The following MBOAT2 variants were observed in gnomAD, a reference collection of about 807,000 sequenced individuals.
MBOAT2 encodes membrane bound glycerophospholipid O-acyltransferase 2.
In MBOAT2, 28 loss-of-function variants were observed where a neutral mutation model predicts 63.4. The ratio of observed to expected loss-of-function variants is 0.44; its 90% confidence interval spans 0.33 to 0.61. MBOAT2 has a LOEUF of 0.61. Among genes scored for constraint, MBOAT2 ranks in the 20% least tolerant of loss-of-function variants. The pLI, the probability that MBOAT2 is intolerant of heterozygous loss-of-function variation, is 0.03. For missense variants in MBOAT2, 470 were observed against 605.8 expected (o/e 0.78, Z 2.35); for synonymous variants, 211 against 215.6 (o/e 0.98, Z 0.19).
At chr2:8,888,151 T>C (rs2148550316) in intron 4 of MBOAT2, 78 bp from the exon 5 acceptor site, 3 of 1,332,780 alleles carry the variant, frequency 2.3e-6, no homozygotes, top group Non-Finnish European at 3.2e-6. Context: ...GTTAAGAGTT[T>C]ATTCTGCTTT....
intron 3 of MBOAT2, among the ~76,000 whole-genome samples, chr2:8,931,641 T>C (rs941785322): frequency 5.9e-5 from 9 of 152,224 alleles, no homozygotes; most frequent in Non-Finnish European, 1.2e-4. Context: ...TTTGATGTTT[T>C]TGTCATGAAA....
At chr2:8,875,804 T>C (rs1662658771) in intron 7 of MBOAT2, among the ~76,000 whole-genome samples, 1 of 152,236 alleles carries the variant, frequency 6.6e-6, no homozygotes, top group African/African-American at 2.4e-5. Context: ...AAGTCTGGAA[T>C]CCCACTCAGT....
intron 1 of MBOAT2, among the ~76,000 whole-genome samples, chr2:8,983,841 T>C (rs919162611): frequency 4.6e-5 from 7 of 152,300 alleles, no homozygotes; most frequent in Middle Eastern, 3.4e-3. Flanking sequence ...TAAATTGTAC[T>C]TGGAACTTTT....
Position 8,855,398 on chromosome 2 carries a change from G to T in MBOAT2, c.*3281C>A, listed in dbSNP as rs979874093. ...AAGATCCAGGTCTCCTCCTAGGTCA[G>T]CTAGTGCTTAAATGTGAGTTACTGT... On this transcript the variant is annotated 3_prime_UTR_variant, in exon 13 of 13. Coordinates refer to ENST00000305997, the MANE Select transcript of MBOAT2 (RefSeq NM_138799.4). 1 of 152,206 alleles carries T rather than the reference G, an allele frequency of 6.6e-6. No homozygotes were observed. Among genetic ancestry groups the T allele is most frequent in the Non-Finnish European group, 1.5e-5 (1 of 68,040 alleles). The allele number at this position is 152,206 out of a possible 1,614,324, so 9.4% of individuals were successfully genotyped here.
intron 3 of MBOAT2, among the ~76,000 whole-genome samples, chr2:8,915,935 C>T (rs868740619): frequency 2.0e-5 from 3 of 152,272 alleles, no homozygotes; most frequent in African/African-American, 7.2e-5. Context: ...GCTATGGTAT[C>T]CCCATCACTG....
intron 3 of MBOAT2, among the ~76,000 whole-genome samples, chr2:8,934,631 G>C (rs1371464819): frequency 1.3e-5 from 2 of 152,146 alleles, no homozygotes; most frequent in Non-Finnish European, 2.9e-5. Context: ...TCTTGGGTTA[G>C]CACAGCAATA....
intron 3 of MBOAT2, among the ~76,000 whole-genome samples, chr2:8,937,311 C>T (rs1211865256): frequency 9.9e-5 from 15 of 152,146 alleles, no homozygotes; most frequent in Admixed American, 7.9e-4. Context: ...TGCTGTGATG[C>T]GGAAGTCATG....
At position 8,855,598 on chromosome 2, in the gene MBOAT2, C is replaced by T. The variant is rs543257763; in HGVS notation, c.*3081G>A. The T allele has an allele frequency of 3.3e-5, 5 of 152,342 alleles. No individual in the cohort carries two copies. In the South Asian group the frequency reaches 1.0e-3, roughly 32 times the overall value. 9.4% of individuals were successfully genotyped at this position (152,342 alleles called of 1,614,324 possible). ...ATTTTTGAAGCCAAATAAATCTTCT[C>T]TATCCTGCCGGATATTTTAGAAGCT... is the stretch of plus-strand genomic sequence containing the variant. On this transcript the variant is annotated 3_prime_UTR_variant, in exon 13 of 13. Coordinates refer to ENST00000305997, the MANE Select transcript of MBOAT2 (RefSeq NM_138799.4).
chr2:8,890,649 A>G (rs1357398237), intron 4 of MBOAT2, among the ~76,000 whole-genome samples: 1 of 152,094 alleles, frequency 6.6e-6, no homozygotes, highest in Non-Finnish European at 1.5e-5. Context: ...CCTCCAAAGC[A>G]GCTAACCCTA....
chr2:8,992,762 G>A (rs1672005972), intron 1 of MBOAT2, among the ~76,000 whole-genome samples: 1 of 152,250 alleles, frequency 6.6e-6, no homozygotes, highest in Admixed American at 6.5e-5. Flanking sequence ...CTAGACAGAA[G>A]CAAGGCATGC....
At chr2:8,990,628 T>C (rs1483000520) in intron 1 of MBOAT2, among the ~76,000 whole-genome samples, 1 of 152,206 alleles carries the variant, frequency 6.6e-6, no homozygotes, top group Non-Finnish European at 1.5e-5. Flanking sequence ...CATTAATTTA[T>C]ATTTCTTACA....
chr2:8,891,404 G>A (rs1663989508), intron 4 of MBOAT2, among the ~76,000 whole-genome samples: 1 of 152,214 alleles, frequency 6.6e-6, no homozygotes, highest in Non-Finnish European at 1.5e-5. Context: ...TGGGAGACAA[G>A]AAAGACTGAT....
At chr2:8,936,805 AG>A (rs1457829384) in intron 3 of MBOAT2, among the ~76,000 whole-genome samples, 3 of 150,028 alleles carry the variant, frequency 2.0e-5, no homozygotes, top group Non-Finnish European at 3.0e-5. Context: ...AAAAAAAAAA[AG>A]AAAAGAAAAA....
At chr2:8,978,642 A>C (rs546586508) in intron 1 of MBOAT2, among the ~76,000 whole-genome samples, 15 of 152,138 alleles carry the variant, frequency 9.9e-5, no homozygotes, top group African/African-American at 3.6e-4. Context: ...GGAGGGGAAA[A>C]ACACACACTG....
chr2:8,861,793 G>GCA (rs375157791), intron 11 of MBOAT2, among the ~76,000 whole-genome samples: 62 of 151,900 alleles, frequency 4.1e-4, no homozygotes, highest in African/African-American at 1.5e-3. Flanking sequence ...TCTGTCTTAT[G>GCA]CACACACACA....
In MBOAT2 at chr2:8,858,487, C is replaced by T; in HGVS notation, c.*192G>A. On this transcript the variant is annotated 3_prime_UTR_variant, in exon 13 of 13. Transcript: ENST00000305997. ...GGAAATATTCTTACATAAGGCGTGG[C>T]CCACGGAGACATGGCATGGGAGGGC... 1 of 537,406 alleles carries T rather than the reference C, an allele frequency of 1.9e-6. No homozygotes were observed. The highest frequency in any genetic ancestry group is 3.3e-6 in the Non-Finnish European group (1 of 305,008). 33.3% of individuals were successfully genotyped at this position (537,406 alleles called of 1,614,324 possible).
chr2:8,967,108 CA>C (rs1029805831), intron 1 of MBOAT2, among the ~76,000 whole-genome samples: 13 of 152,040 alleles, frequency 8.6e-5, no homozygotes, highest in Non-Finnish European at 1.3e-4. Flanking sequence ...CAAAAAGTTC[CA>C]AAAAGCAAGC....
chr2:8,895,708 AG>A (rs1664407272), intron 4 of MBOAT2, among the ~76,000 whole-genome samples: 1 of 152,206 alleles, frequency 6.6e-6, no homozygotes, highest in Admixed American at 6.5e-5. Flanking sequence ...CCTGCTGGAT[AG>A]GAGCGAAGAA....
At chr2:8,933,972 T>A (rs985785379) in intron 3 of MBOAT2, among the ~76,000 whole-genome samples, 1 of 152,158 alleles carries the variant, frequency 6.6e-6, no homozygotes, top group Non-Finnish European at 1.5e-5. Context: ...ATGTAACACC[T>A]CCAAAAGAGA....
Sources: allele counts gnomAD v4.1 joint callset (sites outside exome capture counted in the v4.1 genomes callset), GRCh38; gene constraint gnomAD v4.1.1; transcripts MANE v1.5; gene names NCBI Gene and HGNC (gene_info 2026-07-23, HGNC 2026-07-21).